ZNF248: variants seen among roughly 807,000 people sequenced by gnomAD.
ZNF248 encodes zinc finger protein 248, also known as KRAB protein domain.
Under a neutral mutation model 44.3 loss-of-function variants are expected in ZNF248, and 20 were observed. The observed-to-expected ratio is 0.45, with a 90% confidence interval of 0.32 to 0.66. ZNF248 has a LOEUF of 0.66. ZNF248 is among the 30% of genes least tolerant of loss of function. The pLI is 0.04. For synonymous variants in ZNF248, 224 were observed against 229.0 expected (o/e 0.98, Z 0.20); for missense variants, 654 against 677.0 (o/e 0.97, Z 0.38).
In ZNF248 at chr10:37,853,032, T is replaced by G. The variant is rs1045364981; in HGVS notation, c.15+3264A>C. Among the ~76,000 whole-genome samples, 3 of 152,146 alleles carry G rather than the reference T, an allele frequency of 2.0e-5. No individual in the cohort carries two copies. In the South Asian group the frequency reaches 6.2e-4, roughly 32 times the overall value. Reference sequence around the variant, plus strand: ...GTGCGCCACCAAACCCAGCTAACTTTTGTACTTTATACTAGAAACATGGTT... The same window carrying G: ...GTGCGCCACCAAACCCAGCTAACTTGTGTACTTTATACTAGAAACATGGTT... On this transcript the variant is annotated intron_variant, in intron 3 of 5. Transcript: ENST00000395867.
intron 6 of ZNF248, among the ~76,000 whole-genome samples, chr10:37,817,525 C>T (rs1425738491): frequency 6.6e-6 from 1 of 152,114 alleles, no homozygotes; most frequent in Non-Finnish European, 1.5e-5. Flanking sequence ...CATCTCAGTA[C>T]TCCCACTCAA....
intron 6 of ZNF248, chr10:37,794,626 T>C (rs565271183): frequency 6.2e-6 from 1 of 160,572 alleles, no homozygotes; most frequent in African/African-American, 2.4e-5. Context: ...GAGTTTTAAC[T>C]TTGCAAAAAA....
intron 6 of ZNF248, chr10:37,820,842 C>G: frequency 8.4e-7 from 1 of 1,194,912 alleles, no homozygotes; most frequent in Non-Finnish European, 1.2e-6. Context: ...ATTTCCCATT[C>G]TGTTTTGCAT....
At chr10:37,848,754 C>G (rs1270282598) in intron 3 of ZNF248, among the ~76,000 whole-genome samples, 2 of 152,142 alleles carry the variant, frequency 1.3e-5, no homozygotes, top group East Asian at 3.9e-4. Flanking sequence ...GGCAGGAAAC[C>G]TGCTGGATTT....
At chr10:37,819,750 C>A (rs957969427) in intron 6 of ZNF248, 6 of 781,642 alleles carry the variant, frequency 7.7e-6, no homozygotes, top group African/African-American at 5.1e-5. Context: ...TTTTCAGCTC[C>A]ATTGGTCCTG....
chr10:37,848,932 G>A (rs2059767137), intron 3 of ZNF248, among the ~76,000 whole-genome samples: 1 of 152,042 alleles, frequency 6.6e-6, no homozygotes, highest in Non-Finnish European at 1.5e-5. Context: ...GGAAAATAAA[G>A]ATTTACTAGA....
chr10:37,810,578 A>G (rs2051332240), intron 6 of ZNF248, among the ~76,000 whole-genome samples: 1 of 152,188 alleles, frequency 6.6e-6, no homozygotes, highest in Non-Finnish European at 1.5e-5. Context: ...GATATGTGAC[A>G]ATTTGAAAAA....
chr10:37,820,102 A>C (rs2053211803), intron 6 of ZNF248: 8 of 903,298 alleles, frequency 8.9e-6, no homozygotes, highest in Non-Finnish European at 1.3e-5. Flanking sequence ...CTGTTCATCA[A>C]TCTGCTGTGT....
chr10:37,777,357 C>T (rs1013990758), intron 6 of ZNF248, among the ~76,000 whole-genome samples: 3 of 152,192 alleles, frequency 2.0e-5, no homozygotes, highest in Non-Finnish European at 2.9e-5. Context: ...CTTCCACCAA[C>T]GGATAATTCT....
intron 6 of ZNF248, among the ~76,000 whole-genome samples, chr10:37,776,994 C>A (rs1161933647): frequency 6.6e-6 from 1 of 152,122 alleles, no homozygotes; most frequent in Non-Finnish European, 1.5e-5. Context: ...ACCTTATCAG[C>A]TGAGGTTAAC....
At chr10:37,845,648 A>C (rs2059203590) in intron 3 of ZNF248, among the ~76,000 whole-genome samples, 1 of 152,172 alleles carries the variant, frequency 6.6e-6, no homozygotes, top group Non-Finnish European at 1.5e-5. Flanking sequence ...ATGCATTATA[A>C]GAAACATCAA....
the ZNF248 span, among the ~76,000 whole-genome samples, chr10:37,770,736 C>G: frequency 6.6e-6 from 1 of 152,098 alleles, no homozygotes; most frequent in Non-Finnish European, 1.5e-5. Flanking sequence ...TCTAAAACAC[C>G]AAAAGCAATG....
rs940121536 is a variant in ZNF248, at chr10:37,829,774, G to T, written c.*1841C>A. ...TCTCTTCTCATGTCATGACAATGTTGTATCAAGGAGATCTTTCCCAGAAGT... is the reference window on the plus strand; with the variant it reads ...TCTCTTCTCATGTCATGACAATGTTTTATCAAGGAGATCTTTCCCAGAAGT... On this transcript the variant is annotated 3_prime_UTR_variant, in exon 6 of 6. Coordinates refer to ENST00000395867, the MANE Select transcript of ZNF248 (RefSeq NM_021045.3). 2 of 985,242 alleles carry T rather than the reference G, an allele frequency of 2.0e-6. No homozygotes were observed. The highest frequency in any genetic ancestry group is 2.4e-6 in the Non-Finnish European group (2 of 829,922). The allele number at this position is 985,242 out of a possible 1,614,324, so 61.0% of individuals were successfully genotyped here.
intron 6 of ZNF248, among the ~76,000 whole-genome samples, chr10:37,816,553 T>C (rs1029556553): frequency 1.6e-4 from 24 of 152,222 alleles, no homozygotes; most frequent in Non-Finnish European, 2.6e-4. Flanking sequence ...GGGCCTATTA[T>C]TAGTTGTCTC....
intron 6 of ZNF248, among the ~76,000 whole-genome samples, chr10:37,814,820 ACTTTGT>A (rs1186555560): frequency 4.6e-5 from 7 of 152,246 alleles, no homozygotes; most frequent in African/African-American, 1.7e-4. Flanking sequence ...CTGCTCTAAA[ACTTTGT>A]CTTTGGCCTT....
At chr10:37,837,060 G>A (rs768562338) in intron 5 of ZNF248, among the ~76,000 whole-genome samples, 2 of 150,058 alleles carry the variant, frequency 1.3e-5, no homozygotes, top group Non-Finnish European at 3.0e-5. Flanking sequence ...TTGGATTATA[G>A]GTATAAGTAA....
At chr10:37,777,988 A>G (rs1353118768) in intron 6 of ZNF248, among the ~76,000 whole-genome samples, 1 of 151,852 alleles carries the variant, frequency 6.6e-6, no homozygotes, top group African/African-American at 2.4e-5. Context: ...TAGTGCTGCA[A>G]TAAACATACG....
chr10:37,779,175 T>A (rs1588974334), intron 6 of ZNF248, among the ~76,000 whole-genome samples: 1 of 152,106 alleles, frequency 6.6e-6, no homozygotes, highest in African/African-American at 2.4e-5. Flanking sequence ...GAGGCCAGCA[T>A]CATTCTGATA....
chr10:37,797,391 T>C (rs1334980110), intron 6 of ZNF248, among the ~76,000 whole-genome samples: 1 of 152,072 alleles, frequency 6.6e-6, no homozygotes, highest in African/African-American at 2.4e-5. Flanking sequence ...AATTTTAGAT[T>C]AGGTAGTGGT....
Sources: gnomAD v4.1 joint callset for allele counts (sites outside exome capture counted in the v4.1 genomes callset) on GRCh38, gnomAD v4.1.1 for gene constraint, MANE v1.5 for transcripts, NCBI Gene and HGNC (gene_info 2026-07-23, HGNC 2026-07-21) for gene names.